Variants in ARB2A observed in about 807,000 individuals in gnomAD.
ARB2A encodes cotranscriptional regulator ARB2A.
chr5:94,044,361 C>T, the ARB2A span, among the ~76,000 whole-genome samples: 1 of 152,100 alleles, frequency 6.6e-6, no homozygotes, highest in Non-Finnish European at 1.5e-5. Flanking sequence ...ACTAATATTC[C>T]AGATATCACC....
the ARB2A span, among the ~76,000 whole-genome samples, chr5:93,839,631 G>A: frequency 6.6e-6 from 1 of 151,888 alleles, no homozygotes; most frequent in Admixed American, 6.6e-5. Context: ...GATAGAATTT[G>A]GCTGTAGATC....
At chr5:93,932,139 C>T in the ARB2A span, among the ~76,000 whole-genome samples, 1 of 152,128 alleles carries the variant, frequency 6.6e-6, no homozygotes, top group South Asian at 2.1e-4. Context: ...CACATGAACG[C>T]TTCTACTATG....
chr5:93,841,223 A>G, the ARB2A span, among the ~76,000 whole-genome samples: 2 of 152,234 alleles, frequency 1.3e-5, no homozygotes, highest in Non-Finnish European at 2.9e-5. Context: ...GTTCTGCATT[A>G]GCGGATTCAA....
chr5:94,056,008 A>G, the ARB2A span: 3 of 728,130 alleles, frequency 4.1e-6, no homozygotes, highest in Non-Finnish European at 3.4e-6. Flanking sequence ...AGTAACAAGT[A>G]TTATCATATT....
chr5:93,662,206 A>T, the ARB2A span, among the ~76,000 whole-genome samples: 2 of 152,190 alleles, frequency 1.3e-5, no homozygotes, highest in African/African-American at 4.8e-5. Context: ...TTCTGTGAGA[A>T]TCTTCTTTAG....
the ARB2A span, among the ~76,000 whole-genome samples, chr5:93,976,540 C>A: frequency 1.3e-5 from 2 of 152,110 alleles, no homozygotes; most frequent in Non-Finnish European, 2.9e-5. Context: ...GGGACAGTTT[C>A]CCCCTTTCTG....
the ARB2A span, among the ~76,000 whole-genome samples, chr5:94,037,674 C>T: frequency 1.0e-3 from 155 of 152,188 alleles, 1 homozygote; most frequent in African/African-American, 3.3e-3. Context: ...AACTAAGACC[C>T]AGATCTCCTG....
chr5:93,906,900 G>A, the ARB2A span, among the ~76,000 whole-genome samples: 1,066 of 151,596 alleles, frequency 7.0e-3, 11 homozygotes, highest in African/African-American at 0.025. Flanking sequence ...GTCTCCCCAA[G>A]TACTTATGCT....
the ARB2A span, among the ~76,000 whole-genome samples, chr5:93,821,484 TA>T: frequency 6.6e-6 from 1 of 152,138 alleles, no homozygotes; most frequent in Non-Finnish European, 1.5e-5. Flanking sequence ...TACTTGCTTG[TA>T]AAGTTAATAT....
the ARB2A span, among the ~76,000 whole-genome samples, chr5:94,051,003 G>A: frequency 1.9e-4 from 29 of 152,030 alleles, no homozygotes; most frequent in Non-Finnish European, 4.0e-4. Context: ...TACAGATTAT[G>A]TAACTACTAA....
the ARB2A span, among the ~76,000 whole-genome samples, chr5:93,960,305 C>T: frequency 6.6e-6 from 1 of 152,028 alleles, no homozygotes; most frequent in African/African-American, 2.4e-5. Context: ...AGAAATAACA[C>T]CTTTTCATTG....
chr5:93,708,676 T>C, the ARB2A span, among the ~76,000 whole-genome samples: 2 of 152,116 alleles, frequency 1.3e-5, no homozygotes, highest in African/African-American at 4.8e-5. Flanking sequence ...TGTGACCCAG[T>C]TCCTAACAGG....
the ARB2A span, among the ~76,000 whole-genome samples, chr5:94,031,583 T>C: frequency 3.9e-5 from 6 of 152,098 alleles, no homozygotes; most frequent in African/African-American, 1.2e-4. Context: ...GGATTAGTAG[T>C]AGAGAATGAA....
the ARB2A span, among the ~76,000 whole-genome samples, chr5:94,047,600 T>C: frequency 6.6e-6 from 1 of 152,112 alleles, no homozygotes; most frequent in African/African-American, 2.4e-5. Flanking sequence ...GTAATGTAGA[T>C]AATACAGAAT....
the ARB2A span, among the ~76,000 whole-genome samples, chr5:93,821,137 G>GT: frequency 6.6e-6 from 1 of 152,096 alleles, no homozygotes; most frequent in Admixed American, 6.5e-5. Context: ...TAAAGCATAA[G>GT]TAATTGCATT....
At chr5:93,959,876 G>T in the ARB2A span, among the ~76,000 whole-genome samples, 1 of 152,038 alleles carries the variant, frequency 6.6e-6, no homozygotes. Flanking sequence ...GACACACTGA[G>T]TGGTATACCA....
At chr5:93,753,470 A>C in the ARB2A span, among the ~76,000 whole-genome samples, 1 of 152,204 alleles carries the variant, frequency 6.6e-6, no homozygotes. Context: ...CATAATTGCT[A>C]ACTTTCCATT....
At chr5:93,647,554 T>C in the ARB2A span, among the ~76,000 whole-genome samples, 1 of 152,022 alleles carries the variant, frequency 6.6e-6, no homozygotes, top group South Asian at 2.1e-4. Flanking sequence ...TGTTTGTTTT[T>C]GAGATGAAGT....
chr5:94,017,486 T>A, the ARB2A span, among the ~76,000 whole-genome samples: 2 of 152,200 alleles, frequency 1.3e-5, no homozygotes, highest in Non-Finnish European at 1.5e-5. Flanking sequence ...GAAGTATCCT[T>A]TACCTGAATT....
Sources: allele counts gnomAD v4.1 joint callset (sites outside exome capture counted in the v4.1 genomes callset), GRCh38; gene constraint gnomAD v4.1.1; transcripts MANE v1.5; gene names NCBI Gene and HGNC (gene_info 2026-07-23, HGNC 2026-07-21).